Variants in TGFBR3 observed in about 807,000 individuals in gnomAD.
TGFBR3 encodes the protein transforming growth factor beta receptor type 3.
Under a neutral mutation model 87.9 loss-of-function variants are expected in TGFBR3, and 46 were observed. The observed-to-expected ratio is 0.52, with a 90% confidence interval of 0.41 to 0.67. The LOEUF is 0.67. Among genes scored for constraint, TGFBR3 ranks in the 30% least tolerant of loss-of-function variants. TGFBR3 has a pLI of 0.00. For missense variants in TGFBR3, 866 were observed against 1,041.9 expected (o/e 0.83, Z 2.32); for synonymous variants, 381 against 391.6 (o/e 0.97, Z 0.32).
chr1:91,801,083 CA>C (rs55862227), intron 2 of TGFBR3: 36,110 of 139,044 alleles, frequency 0.26, 4,282 homozygotes, highest in Middle Eastern at 0.36. Flanking sequence ...AACTCTGTCT[CA>C]AAAAAAAAAA....
rs1670982568 is a variant in TGFBR3 at position 91,683,485 on chromosome 1, GAGA to G, written c.*251_*253del. 5.9e-6 allele frequency: 4 copies of G among 675,234 alleles called. No homozygotes were observed. Among genetic ancestry groups the G allele is most frequent in the Non-Finnish European group, 1.1e-5 (4 of 369,272 alleles). 41.8% of individuals were successfully genotyped at this position (675,234 alleles called of 1,614,324 possible). ...CCCCCAAGCCTGTGAGGGGCTGGTG[GAGA>G]AGACCACCATTTTAGCTTTCTCACA... On this transcript the variant is annotated 3_prime_UTR_variant, in exon 17 of 17. Transcript: ENST00000212355.
At chr1:91,730,072 C>A (rs1672710898) in intron 5 of TGFBR3, 99 bp from the exon 6 acceptor site, 3 of 1,334,854 alleles carry the variant, frequency 2.2e-6, no homozygotes, top group Admixed American at 1.8e-5. Flanking sequence ...ATGGCAGACA[C>A]AGGGAACCAC....
At chr1:91,889,827 C>G (rs2101327520), upstream of TGFBR3, among the ~76,000 whole-genome samples, 1 of 151,008 alleles carries the variant, frequency 6.6e-6, no homozygotes, top group Non-Finnish European at 1.5e-5. Context: ...ATTACCAGCA[C>G]CCACCACCAT....
chr1:91,702,597 T>G (rs1440991214), intron 14 of TGFBR3, among the ~76,000 whole-genome samples: 8 of 152,216 alleles, frequency 5.3e-5, no homozygotes. Context: ...GGAATATGTA[T>G]GGATGAAATT....
At chr1:91,892,806 A>G (rs1483409158) in intron 2 of TGFBR3, among the ~76,000 whole-genome samples, 1 of 152,196 alleles carries the variant, frequency 6.6e-6, no homozygotes, top group African/African-American at 2.4e-5. Flanking sequence ...ACCAGTTTAG[A>G]GCTGAAAGAA....
chr1:91,847,372 G>T (rs1271390460), intron 2 of TGFBR3, among the ~76,000 whole-genome samples: 1 of 152,096 alleles, frequency 6.6e-6, no homozygotes, highest in Non-Finnish European at 1.5e-5. Flanking sequence ...GGGAGGATGA[G>T]GCAGGCAGAT....
At chr1:91,742,403 C>T (rs1203093679) in intron 4 of TGFBR3, among the ~76,000 whole-genome samples, 1 of 152,174 alleles carries the variant, frequency 6.6e-6, no homozygotes, top group Non-Finnish European at 1.5e-5. Flanking sequence ...AATGTTGTTA[C>T]CTACAGGAAA....
rs541021116 is a variant in TGFBR3 at position 91,785,878 on chromosome 1, T to C, written c.246+11409A>G. On this transcript the variant is annotated intron_variant, in intron 3 of 16. Coordinates refer to ENST00000212355, the MANE Select transcript of TGFBR3 (RefSeq NM_003243.5). ...AACCTTCGGGCTCAAGTGATCCTCC[T>C]GCCTCAGCCTCCCAAATAGCTGGGA... 3.9e-5 allele frequency among the ~76,000 whole-genome samples: 6 copies of C among 151,996 alleles called. No homozygotes were observed. In the East Asian group the frequency reaches 9.7e-4, roughly 24 times the overall value.
chr1:91,760,139 A>G (rs1673905760), intron 3 of TGFBR3, among the ~76,000 whole-genome samples: 1 of 152,246 alleles, frequency 6.6e-6, no homozygotes, highest in Non-Finnish European at 1.5e-5. Flanking sequence ...AAAATATTCT[A>G]TGAATAACTT....
At chr1:91,859,577 C>T (rs996107322) in intron 2 of TGFBR3, among the ~76,000 whole-genome samples, 16 of 151,986 alleles carry the variant, frequency 1.1e-4, no homozygotes, top group Non-Finnish European at 2.2e-4. Flanking sequence ...AGTTGAAATT[C>T]ATAAACTGGC....
chr1:91,734,053 AGAGG>A (rs1553163106), intron 5 of TGFBR3, among the ~76,000 whole-genome samples: 6 of 48,592 alleles, frequency 1.2e-4, no homozygotes, highest in Admixed American at 8.0e-4. Context: ...AGGGAGGGAG[AGAGG>A]GAGGGAGGGA....
chr1:91,879,793 T>C (rs2101281110), intron 1 of TGFBR3, among the ~76,000 whole-genome samples: 1 of 152,288 alleles, frequency 6.6e-6, no homozygotes, highest in East Asian at 1.9e-4. Context: ...ACAAATGTGC[T>C]ATTTCAAAAG....
intron 7 of TGFBR3, among the ~76,000 whole-genome samples, chr1:91,722,692 A>G (rs974964624): frequency 7.9e-5 from 12 of 152,196 alleles, no homozygotes; most frequent in African/African-American, 2.9e-4. Context: ...TGAGCATCAT[A>G]GAGTGCACTT....
intron 2 of TGFBR3, among the ~76,000 whole-genome samples, chr1:91,821,086 T>C (rs910086030): frequency 3.3e-5 from 5 of 152,030 alleles, no homozygotes; most frequent in Admixed American, 3.3e-4. Flanking sequence ...ATCCCAGCAC[T>C]TGGGAGACTG....
At chr1:91,751,372 A>AT (rs1156431308) in intron 4 of TGFBR3, among the ~76,000 whole-genome samples, 1 of 152,170 alleles carries the variant, frequency 6.6e-6, no homozygotes, top group Non-Finnish European at 1.5e-5. Context: ...ACTTGGCTTC[A>AT]TGAAAAGGTA....
intron 1 of TGFBR3, among the ~76,000 whole-genome samples, chr1:91,877,692 CT>C (rs1207512343): frequency 1.3e-5 from 2 of 152,216 alleles, no homozygotes; most frequent in African/African-American, 4.8e-5. Context: ...CATCCTTCCC[CT>C]AGCTCCTGTG....
chr1:91,803,622 C>T (rs1300245577), intron 2 of TGFBR3, among the ~76,000 whole-genome samples: 1 of 151,786 alleles, frequency 6.6e-6, no homozygotes, highest in African/African-American at 2.4e-5. Context: ...ACATTTGTAG[C>T]TTAACCTACC....
chr1:91,879,981 T>A (rs961724906), intron 1 of TGFBR3, among the ~76,000 whole-genome samples: 1 of 152,228 alleles, frequency 6.6e-6, no homozygotes, highest in South Asian at 2.1e-4. Context: ...TTGTGTTTTA[T>A]GACATGCTGC....
In TGFBR3 at chr1:91,844,388, T is replaced by C. The variant is rs555033388; in HGVS notation, c.61+17083A>G. On this transcript the variant is annotated intron_variant, in intron 2 of 16. Transcript: ENST00000212355. ...CATAATTCTAATAAGACAGACATGA[T>C]GAATCTTGTTCACATTTGGACACAC... 8.5e-5 allele frequency among the ~76,000 whole-genome samples: 13 copies of C among 152,324 alleles called. 2 individuals are homozygous for C. The highest frequency in any genetic ancestry group is 5.9e-4 in the Admixed American group (9 of 15,296).
Sources: allele counts gnomAD v4.1 joint callset (sites outside exome capture counted in the v4.1 genomes callset), GRCh38; gene constraint gnomAD v4.1.1; transcripts MANE v1.5; gene names NCBI Gene and HGNC (gene_info 2026-07-23, HGNC 2026-07-21).